Variants in PTPRN observed in about 807,000 individuals in gnomAD.
PTPRN encodes receptor-type tyrosine-protein phosphatase-like N.
PTPRN carries 70 observed loss-of-function variants against 108.5 expected under a neutral mutation model. The ratio of observed to expected loss-of-function variants is 0.65; its 90% CI spans 0.53 to 0.79. The LOEUF is 0.79. PTPRN is among the 30% of genes least tolerant of loss of function. PTPRN has a pLI of 0.00. For synonymous variants in PTPRN, 496 were observed against 524.6 expected (o/e 0.95, Z 0.75); for missense variants, 1,136 against 1,295.5 (o/e 0.88, Z 1.89).
At chr2:219,295,925 C>T in intron 18 of PTPRN, 1 of 296,396 alleles carries the variant, frequency 3.4e-6, no homozygotes, top group Non-Finnish European at 6.3e-6. Context: ...ATAGTTTGAT[C>T]TCTGTGCCTT....
At position 219,290,834 on chromosome 2, in the gene PTPRN, A is replaced by G. The variant is rs1477850283; in HGVS notation, c.2786T>C (p.Met929Thr). ...GTGGGGAAGCTCCCTACCTTTTGCC[A>G]TGCGGTTCAGGACCATGTCGATGAG... ...YILIDMVLNR[M>T]AKGVKEIDIA... The change falls in exon 21 of 23, where the codon ATG becomes ACG. Residue 929 changes from methionine (M) to threonine (T), a missense_variant. By Grantham distance (81) the Met-to-Thr change is moderately conservative. Coordinates refer to ENST00000295718, the MANE Select transcript of PTPRN (RefSeq NM_002846.4). This position sits in a 1 kb window ranked among gnomAD's most constrained non-coding sequence, Gnocchi z 4.2. The G allele has an allele frequency of 6.2e-7, 1 of 1,613,950 alleles. No individual in the cohort carries two copies. The highest frequency in any genetic ancestry group is 1.3e-5 in the African/African-American group (1 of 74,894).
At chr2:219,298,950 C>A in intron 12 of PTPRN, 97 bp downstream of exon 12, 2 of 1,426,660 alleles carry the variant, frequency 1.4e-6, no homozygotes, top group Non-Finnish European at 2.0e-6. Context: ...CCTACGGACA[C>A]GTTTCGGCTC....
Position 219,290,085 on chromosome 2 carries a change from C to G in PTPRN, c.*141G>C. Reference sequence around the variant, plus strand: ...GGCTGGGCAGGCGTGCCCCTTCTGGCTTTCCCTTCCTGACTCTTCTAGGAA... The same window carrying G: ...GGCTGGGCAGGCGTGCCCCTTCTGGGTTTCCCTTCCTGACTCTTCTAGGAA... On this transcript the variant is annotated 3_prime_UTR_variant, in exon 23 of 23. Transcript: ENST00000295718. The surrounding 1 kb of genome is among the most constrained non-coding windows in gnomAD (Gnocchi z 4.2). 3.7e-6 allele frequency: 3 copies of G among 819,394 alleles called. No individual in the cohort carries two copies. In the South Asian group the frequency reaches 5.0e-5, roughly 14 times the overall value. The allele number at this position is 819,394 out of a possible 1,614,324, so 50.8% of individuals were successfully genotyped here. A position where few individuals can be genotyped will look rare whatever the true frequency, so the allele number is the denominator to read the frequency against.
intron 3 of PTPRN, among the ~76,000 whole-genome samples, chr2:219,305,302 G>A (rs1015151977): frequency 4.6e-5 from 7 of 151,558 alleles, no homozygotes; most frequent in African/African-American, 1.7e-4. Flanking sequence ...GAGTGCAGTG[G>A]TGCGATCTCG....
chr2:219,307,304 C>T, intron 3 of PTPRN, 140 bp downstream of exon 3: 1 of 691,106 alleles, frequency 1.4e-6, no homozygotes, highest in Non-Finnish European at 2.4e-6. Flanking sequence ...TCTAGGGTTC[C>T]ACCTCTTACT....
chr2:219,303,857 T>C, intron 3 of PTPRN, 26 bp from the exon 4 acceptor site: 9 of 1,580,076 alleles, frequency 5.7e-6, no homozygotes, highest in Non-Finnish European at 7.8e-6. Flanking sequence ...ACAGCGTAAG[T>C]TGGTTCAGGA....
chr2:219,295,973 A>G (rs1952181946), intron 18 of PTPRN: 2 of 425,184 alleles, frequency 4.7e-6, no homozygotes, highest in Non-Finnish European at 7.7e-6. Context: ...GACTCTAGAC[A>G]GGACACACAC....
chr2:219,303,184 G>A (rs970371206), intron 4 of PTPRN, among the ~76,000 whole-genome samples: 5 of 152,246 alleles, frequency 3.3e-5, no homozygotes, highest in East Asian at 3.9e-4. Flanking sequence ...AGCTGTCCCC[G>A]TTGCCCCTGT....
chr2:219,307,666 C>G, intron 2 of PTPRN, 109 bp from the exon 3 acceptor site: 1 of 1,454,172 alleles, frequency 6.9e-7, no homozygotes, highest in Non-Finnish European at 9.6e-7. Context: ...CTCTCCTCCT[C>G]CAGGCAAGTC....
chr2:219,302,121 C>T lies in PTPRN; in HGVS notation c.994+16G>A. The T allele has an allele frequency of 1.9e-6, 3 of 1,555,244 alleles. No individual in the cohort carries two copies. Among genetic ancestry groups the T allele is most frequent in the Non-Finnish European group, 1.7e-6 (2 of 1,149,700 alleles). On this transcript the variant is annotated intron_variant, in intron 6 of 22. Coordinates refer to ENST00000295718, the MANE Select transcript of PTPRN (RefSeq NM_002846.4). Reference sequence around the variant, plus strand: ...AGCAGCCCTCACAGGGAGGTGGATGCTGAGGACCTTGTTACCTGGCTGCAC... The same window carrying T: ...AGCAGCCCTCACAGGGAGGTGGATGTTGAGGACCTTGTTACCTGGCTGCAC...
chr2:219,309,385 G>A lies in PTPRN; in HGVS notation c.-53C>T, dbSNP rs934790834. 6.0e-6 allele frequency: 6 copies of A among 1,004,432 alleles called. No homozygotes were observed. In the Admixed American group the frequency reaches 1.4e-4, roughly 24 times the overall value. The allele number at this position is 1,004,432 out of a possible 1,614,324, so 62.2% of individuals were successfully genotyped here. On this transcript the variant is annotated 5_prime_UTR_variant, in exon 1 of 23. Coordinates refer to ENST00000295718, the MANE Select transcript of PTPRN (RefSeq NM_002846.4). ...GGGCCGGAGCCGCAGCGACGCTGGC[G>A]GGAGCCTGCCAGAGGGGCTGAGGCG...
chr2:219,308,291 A>C, intron 1 of PTPRN: 2 of 188,036 alleles, frequency 1.1e-5, no homozygotes, highest in Non-Finnish European at 2.2e-5. Flanking sequence ...TCTCTTAGGC[A>C]TCTCTCCTCG....
At chr2:219,293,747 C>G (rs1952105712) in intron 19 of PTPRN, among the ~76,000 whole-genome samples, 4 of 144,572 alleles carry the variant, frequency 2.8e-5, no homozygotes, top group Admixed American at 1.3e-4. Flanking sequence ...TACCCATGTC[C>G]CCACCCCCAG....
At chr2:219,301,564 C>T in intron 7 of PTPRN, 24 bp downstream of exon 7, 1 of 1,594,530 alleles carries the variant, frequency 6.3e-7, no homozygotes, top group East Asian at 2.3e-5. Flanking sequence ...AGATATTGGT[C>T]CCTCCCTCTG....
Position 219,299,678 on chromosome 2 carries a change from C to A in PTPRN, c.1523+22G>T, listed in dbSNP as rs924361838. ...CTGCTTTCTAGATCTCGGCCACTGC[C>A]CTAGCAAGATGCCAGCCCCACCTGA... On this transcript the variant is annotated intron_variant, in intron 10 of 22. Transcript: ENST00000295718. The A allele has an allele frequency of 3.2e-6, 5 of 1,576,136 alleles. No individual in the cohort carries two copies. In the African/African-American group the frequency reaches 4.1e-5, roughly 13 times the overall value.
intron 12 of PTPRN, 141 bp from the exon 13 acceptor site, chr2:219,298,244 C>A (rs1952252466): frequency 3.9e-6 from 3 of 768,494 alleles, no homozygotes; most frequent in Non-Finnish European, 6.3e-6. Context: ...GGTGGTACAG[C>A]CAGATGGGCT....
rs1389040857 is a variant in PTPRN, at chr2:219,294,260, C to T, written c.2675+715G>A. On this transcript the variant is annotated intron_variant, in intron 19 of 22. Coordinates refer to ENST00000295718, the MANE Select transcript of PTPRN (RefSeq NM_002846.4). The stretch of plus-strand genomic sequence containing the variant: ...GGACAGAGAGAGGAAAGACAGGCAG[C>T]GGGAGGGAGAGGGAGAGACGGACAG... 4 of 436,940 alleles carry T rather than the reference C, an allele frequency of 9.2e-6. No homozygotes were observed. In the East Asian group the frequency reaches 2.9e-4, roughly 32 times the overall value. The allele number at this position is 436,940 out of a possible 1,614,324, so 27.1% of individuals were successfully genotyped here.
chr2:219,297,393 T>C lies in PTPRN; in HGVS notation c.1928A>G (p.Asn643Ser), dbSNP rs776541400. The change falls in exon 14 of 23, where the codon AAC becomes AGC. Residue 643 changes from asparagine to serine, a missense_variant. By Grantham distance (46) the Asn-to-Ser change is conservative. Coordinates refer to ENST00000295718, the MANE Select transcript of PTPRN (RefSeq NM_002846.4). The surrounding 1 kb of genome is among the most constrained non-coding windows in gnomAD (Gnocchi z 6.0). ...RQHMATKSLF[N>S]RAEGPPEPSR... ...AGGCTCCGGTGGACCCTCTGCCCGG[T>C]TGAACAAGGACTTCGTGGCCATGTG... is the stretch of plus-strand genomic sequence containing the variant. The C allele has an allele frequency of 1.2e-6, 2 of 1,614,044 alleles. No individual in the cohort carries two copies. Among genetic ancestry groups the C allele is most frequent in the South Asian group, 1.1e-5 (1 of 91,084 alleles).
Position 219,297,742 on chromosome 2 carries a change from A to T in PTPRN, c.1887+143T>A. The T allele has an allele frequency of 2.0e-6, 2 of 989,614 alleles. No individual in the cohort carries two copies. The highest frequency in any genetic ancestry group is 2.6e-5 in the East Asian group (1 of 38,118). The allele number at this position is 989,614 out of a possible 1,614,324, so 61.3% of individuals were successfully genotyped here. On this transcript the variant is annotated intron_variant, in intron 13 of 22. Coordinates refer to ENST00000295718, the MANE Select transcript of PTPRN (RefSeq NM_002846.4). The surrounding 1 kb of genome is among the most constrained non-coding windows in gnomAD (Gnocchi z 6.0). ...AAAGGCCCCTACCATACTCCCTCCC[A>T]CTGGGGCTTCTCCAGCCTCCACTGG...
Sources: allele counts gnomAD v4.1 joint callset (sites outside exome capture counted in the v4.1 genomes callset), GRCh38; gene constraint gnomAD v4.1.1; non-coding constraint Gnocchi (gnomAD v3.1); transcripts MANE v1.5; gene names NCBI Gene and HGNC (gene_info 2026-07-23, HGNC 2026-07-21).